The following SGCD variants were observed in gnomAD, a reference collection of about 807,000 sequenced individuals.
SGCD encodes the protein delta-sarcoglycan.
In SGCD, 18 loss-of-function variants were observed where a neutral mutation model predicts 36.6. The observed-to-expected ratio is 0.49, with a 90% CI of 0.34 to 0.73. The LOEUF is 0.73. Ranked by LOEUF, SGCD falls within the 30% of genes least tolerant of loss-of-function variation. The pLI is 0.01. For missense variants in SGCD, 387 were observed against 346.7 expected (o/e 1.12, Z -0.92); for synonymous variants, 133 against 130.6 (o/e 1.02, Z -0.12).
intron 1 of SGCD, among the ~76,000 whole-genome samples, chr5:156,092,365 TG>T (rs1761265689): frequency 6.6e-6 from 1 of 152,186 alleles, no homozygotes; most frequent in South Asian, 2.1e-4. Context: ...ATATCCACAT[TG>T]GGCCAGGTGA....
intron 1 of SGCD, among the ~76,000 whole-genome samples, chr5:156,073,103 G>T (rs1760637610): frequency 6.6e-6 from 1 of 152,052 alleles, no homozygotes; most frequent in East Asian, 1.9e-4. Context: ...GGAGTAGTTT[G>T]GTCATCTGAA....
chr5:156,688,632 A>G (rs2113700564), intron 7 of SGCD, among the ~76,000 whole-genome samples: 1 of 152,328 alleles, frequency 6.6e-6, no homozygotes, highest in South Asian at 2.1e-4. Flanking sequence ...GAGTCTGATC[A>G]CAGTGAAGAA....
rs1757537328 is a variant in SGCD, at chr5:156,763,738, G to C, written c.*4348G>C. ...ATCGCTTAAAAAAAAAAAAGTATCAGCTAGGGATGACTCTGGAAGTATGAG... is the reference window on the plus strand; with the variant it reads ...ATCGCTTAAAAAAAAAAAAGTATCACCTAGGGATGACTCTGGAAGTATGAG... On this transcript the variant is annotated 3_prime_UTR_variant, in exon 9 of 9. Coordinates refer to ENST00000337851, the MANE Select transcript of SGCD (RefSeq NM_000337.6). 1 of 151,596 alleles carries C rather than the reference G, an allele frequency of 6.6e-6. No individual in the cohort carries two copies. Among genetic ancestry groups the C allele is most frequent in the African/African-American group, 2.4e-5 (1 of 41,220 alleles). The allele number at this position is 151,596 out of a possible 1,614,324, so 9.4% of individuals were successfully genotyped here. A position where few individuals can be genotyped will look rare whatever the true frequency, so the allele number is the denominator to read the frequency against.
chr5:156,653,492 G>GTTTTTTTTTTTTTTTTTTT (rs1561839559), intron 7 of SGCD, among the ~76,000 whole-genome samples: 5 of 5,832 alleles, frequency 8.6e-4, no homozygotes, highest in Admixed American at 2.1e-3. Flanking sequence ...TCTAAAGCTT[G>GTTTTTTTTTTTTTTTTTTT]CTTTTTTTTT....
chr5:156,115,110 G>A (rs773492145), intron 1 of SGCD, among the ~76,000 whole-genome samples: 2 of 151,800 alleles, frequency 1.3e-5, no homozygotes, highest in African/African-American at 4.8e-5. Context: ...AAATATTTTC[G>A]ATGTTTAAAA....
Position 156,595,052 on chromosome 5 carries a change from G to C in SGCD, c.502+1G>C. 6.2e-7 allele frequency: 1 copy of C among 1,609,252 alleles called. No homozygotes were observed. The highest frequency in any genetic ancestry group is 8.5e-7 in the Non-Finnish European group (1 of 1,177,490). On this transcript the variant is annotated splice_donor_variant, in intron 6 of 8. Coordinates refer to ENST00000337851, the MANE Select transcript of SGCD (RefSeq NM_000337.6). LOFTEE classifies it high-confidence loss of function. ...GGAGCTGAAAGATTACGAGTTTTAG[G>C]TAAGGAAACTTGAATCATTTAACTT...
At chr5:156,026,517 A>C (rs191078396) in intron 1 of SGCD, among the ~76,000 whole-genome samples, 5 of 152,356 alleles carry the variant, frequency 3.3e-5, no homozygotes, top group African/African-American at 1.2e-4. Context: ...GTGTGACTTA[A>C]TGTACTTTCA....
intron 7 of SGCD, among the ~76,000 whole-genome samples, chr5:156,691,487 A>G (rs282471): frequency 0.028 from 4,233 of 152,254 alleles, 179 homozygotes; most frequent in East Asian, 0.16. Context: ...TTTTAGGTTC[A>G]GTGGACCATA....
At chr5:156,525,695 G>C (rs115717922) in intron 4 of SGCD, among the ~76,000 whole-genome samples, 2,440 of 152,072 alleles carry the variant, frequency 0.016, 30 homozygotes, top group Non-Finnish European at 0.026. Context: ...TTTTCCTCTA[G>C]TAGTTTTACT....
At chr5:156,221,275 A>T (rs1228805474) in intron 3 of SGCD, among the ~76,000 whole-genome samples, 1 of 152,110 alleles carries the variant, frequency 6.6e-6, no homozygotes, top group Non-Finnish European at 1.5e-5. Context: ...GAGACGGTAC[A>T]ATTCTTGAAG....
chr5:155,773,926 A>T, the SGCD span, among the ~76,000 whole-genome samples: 1 of 152,048 alleles, frequency 6.6e-6, no homozygotes, highest in Admixed American at 6.6e-5. Flanking sequence ...AAATGTTGTG[A>T]GGGGGAGCAT....
At chr5:156,421,750 G>C (rs1482140148) in intron 3 of SGCD, among the ~76,000 whole-genome samples, 2 of 152,004 alleles carry the variant, frequency 1.3e-5, no homozygotes, top group African/African-American at 2.4e-5. Context: ...AATCACAGAT[G>C]CTACTGAAAA....
At chr5:156,165,438 C>T (rs897216535) in intron 3 of SGCD, among the ~76,000 whole-genome samples, 2 of 152,170 alleles carry the variant, frequency 1.3e-5, no homozygotes, top group Non-Finnish European at 2.9e-5. Context: ...CCTATATTCC[C>T]TATGAAAGGT....
rs1345393650 is a variant in SGCD at position 156,556,890 on chromosome 5, A to G, written c.295-32341A>G. On this transcript the variant is annotated intron_variant, in intron 4 of 8. Coordinates refer to ENST00000337851, the MANE Select transcript of SGCD (RefSeq NM_000337.6). The stretch of plus-strand genomic sequence containing the variant: ...ATGCTCCAGAGAGTGACATTTACAA[A>G]TAAAGAGTCATATGTTTTACCACAT... Among the ~76,000 whole-genome samples, 3 of 152,196 alleles carry G rather than the reference A, an allele frequency of 2.0e-5. No individual in the cohort carries two copies. In the East Asian group the frequency reaches 5.8e-4, roughly 29 times the overall value.
intron 3 of SGCD, among the ~76,000 whole-genome samples, chr5:156,156,922 C>T (rs932659838): frequency 6.6e-6 from 1 of 151,550 alleles, no homozygotes; most frequent in African/African-American, 2.4e-5. Context: ...AAAGTAGAAA[C>T]TGTCAATACA....
At chr5:156,283,396 C>T (rs1766508776) in intron 3 of SGCD, among the ~76,000 whole-genome samples, 1 of 152,164 alleles carries the variant, frequency 6.6e-6, no homozygotes, top group African/African-American at 2.4e-5. Context: ...AACCATATTT[C>T]TGCTGGTCTC....
intron 3 of SGCD, among the ~76,000 whole-genome samples, chr5:156,262,217 T>C (rs1238551130): frequency 6.6e-6 from 1 of 152,124 alleles, no homozygotes; most frequent in Admixed American, 6.6e-5. Flanking sequence ...GCTCCATTCA[T>C]GGGAAGTGCC....
At chr5:156,365,634 A>G (rs1770055782) in intron 3 of SGCD, among the ~76,000 whole-genome samples, 1 of 152,196 alleles carries the variant, frequency 6.6e-6, no homozygotes, top group South Asian at 2.1e-4. Flanking sequence ...ACATATACAC[A>G]GATATACACA....
Position 156,010,796 on chromosome 5 carries a change from G to C in SGCD, c.-281-107082G>C, listed in dbSNP as rs185026365. Among the ~76,000 whole-genome samples the C allele has an allele frequency of 2.0e-5, 3 of 152,306 alleles. No homozygotes were observed. In the East Asian group the frequency reaches 5.8e-4, roughly 29 times the overall value. On this transcript the variant is annotated intron_variant, in intron 1 of 9. Coordinates refer to the SGCD transcript ENST00000517913. ...CAAGCAACTTACTAGCTGCCATGTA[G>C]AAGGTTAGAAGCAGAGCCAGGACTT... is the stretch of plus-strand genomic sequence containing the variant.
Sources: gnomAD v4.1 joint callset for allele counts (sites outside exome capture counted in the v4.1 genomes callset) on GRCh38, gnomAD v4.1.1 for gene constraint, MANE v1.5 for transcripts, NCBI Gene and HGNC (gene_info 2026-07-23, HGNC 2026-07-21) for gene names.